Variants in TBC1D19 observed in about 807,000 individuals in gnomAD.
TBC1D19 encodes the protein TBC1 domain family member 19.
In TBC1D19, 60 loss-of-function variants were observed where a neutral mutation model predicts 89.0. The ratio of observed to expected loss-of-function variants is 0.67; its 90% CI spans 0.55 to 0.84. TBC1D19 has a LOEUF of 0.84. TBC1D19 is among the 40% of genes least tolerant of loss of function. The pLI, the probability that TBC1D19 is intolerant of heterozygous loss-of-function variation, is 0.00. For synonymous variants in TBC1D19, 189 were observed against 199.7 expected (o/e 0.95, Z 0.45); for missense variants, 500 against 610.8 (o/e 0.82, Z 1.91).
chr4:26,721,067 C>A (rs183457714), intron 15 of TBC1D19, among the ~76,000 whole-genome samples: 31 of 152,018 alleles, frequency 2.0e-4, no homozygotes, highest in Non-Finnish European at 3.4e-4. Flanking sequence ...TACCTCTGTC[C>A]CTCTTTTAAT....
At chr4:26,629,166 C>T (rs1560429011) in intron 4 of TBC1D19, among the ~76,000 whole-genome samples, 1 of 152,004 alleles carries the variant, frequency 6.6e-6, no homozygotes, top group South Asian at 2.1e-4. Context: ...GAAACTGCCT[C>T]CTCTCATCCC....
chr4:26,674,977 C>T (rs1712661808), intron 11 of TBC1D19, among the ~76,000 whole-genome samples: 1 of 152,014 alleles, frequency 6.6e-6, no homozygotes. Context: ...ACAGTTCTGT[C>T]AAAAATCACT....
At chr4:26,810,847 A>G in the TBC1D19 span, among the ~76,000 whole-genome samples, 1 of 152,244 alleles carries the variant, frequency 6.6e-6, no homozygotes, top group South Asian at 2.1e-4. Flanking sequence ...CTAGCACCAT[A>G]CTACATGGGG....
the TBC1D19 span, among the ~76,000 whole-genome samples, chr4:26,797,933 A>C: frequency 6.6e-6 from 1 of 152,228 alleles, no homozygotes; most frequent in East Asian, 1.9e-4. Flanking sequence ...ACCTGAAACT[A>C]TAAAAATCCT....
intron 7 of TBC1D19, among the ~76,000 whole-genome samples, chr4:26,644,596 T>C (rs1238386240): frequency 1.3e-5 from 2 of 152,058 alleles, no homozygotes; most frequent in East Asian, 3.9e-4. Context: ...GAGAAAGAAA[T>C]AAAGGTTTTC....
chr4:26,685,146 A>G (rs991870061), intron 12 of TBC1D19, among the ~76,000 whole-genome samples: 2 of 152,202 alleles, frequency 1.3e-5, no homozygotes, highest in Admixed American at 1.3e-4. Context: ...TATAAAAATA[A>G]TAAAACAGAA....
intron 18 of TBC1D19, among the ~76,000 whole-genome samples, chr4:26,745,985 T>C (rs1238577788): frequency 1.3e-5 from 2 of 152,206 alleles, no homozygotes; most frequent in Non-Finnish European, 2.9e-5. Flanking sequence ...ATGATATATC[T>C]AGGCATAGAT....
At chr4:26,782,519 T>G in the TBC1D19 span, among the ~76,000 whole-genome samples, 1 of 152,178 alleles carries the variant, frequency 6.6e-6, no homozygotes, top group South Asian at 2.1e-4. Context: ...ACGTCAAAAC[T>G]GGAATTAGAC....
intron 13 of TBC1D19, among the ~76,000 whole-genome samples, chr4:26,717,109 T>C (rs529487391): frequency 1.3e-5 from 2 of 152,250 alleles, no homozygotes; most frequent in African/African-American, 4.8e-5. Flanking sequence ...CTGTATCCCC[T>C]TTCTTGTGTC....
chr4:26,831,087 T>G, the TBC1D19 span, among the ~76,000 whole-genome samples: 1 of 151,880 alleles, frequency 6.6e-6, no homozygotes, highest in Non-Finnish European at 1.5e-5. Flanking sequence ...ATTTCATATA[T>G]CACAAAGAGG....
chr4:26,842,340 C>CTTTTTTTTTTTTTTTTTT, the TBC1D19 span, among the ~76,000 whole-genome samples: 2 of 81,574 alleles, frequency 2.5e-5, no homozygotes, highest in Non-Finnish European at 2.3e-5. Context: ...CTTTTCTTTT[C>CTTTTTTTTTTTTTTTTTT]TTTTTTTTTT....
In TBC1D19 at chr4:26,755,334, A is replaced by G. The variant is rs373819897; in HGVS notation, c.*387A>G. ...ATAATTCTTTTATGTCAGTTTATAA[A>G]TTTATCTCTAGATAATGTATTGTTT... On this transcript the variant is annotated 3_prime_UTR_variant, in exon 21 of 21. Transcript: ENST00000264866. 1.3e-5 allele frequency: 2 copies of G among 152,600 alleles called. No homozygotes were observed. Among genetic ancestry groups the G allele is most frequent in the East Asian group, 1.9e-4 (1 of 5,198 alleles). The allele number at this position is 152,600 out of a possible 1,614,324, so 9.5% of individuals were successfully genotyped here.
chr4:26,816,373 C>T, the TBC1D19 span, among the ~76,000 whole-genome samples: 3 of 152,134 alleles, frequency 2.0e-5, no homozygotes, highest in Admixed American at 6.5e-5. Flanking sequence ...CATTGGGTAA[C>T]CCATTGTAAA....
chr4:26,634,034 A>C (rs1742963039), intron 4 of TBC1D19, among the ~76,000 whole-genome samples: 1 of 152,014 alleles, frequency 6.6e-6, no homozygotes, highest in African/African-American at 2.4e-5. Context: ...ACCCACATAA[A>C]AGCTGTATTT....
At position 26,753,811 on chromosome 4, in the gene TBC1D19, C is replaced by T. The variant is rs1036876234; in HGVS notation, c.1436-9C>T. 6.2e-7 allele frequency: 1 copy of T among 1,613,638 alleles called. No individual in the cohort carries two copies. On this transcript the variant is annotated splice_polypyrimidine_tract_variant and intron_variant, in intron 19 of 20. Coordinates refer to ENST00000264866, the MANE Select transcript of TBC1D19 (RefSeq NM_018317.4). ...GCCAGCAGTTGAAGTAGTGTGCATT[C>T]TTTTCCAGTGCTGGCAGCTGCCGTG...
intron 15 of TBC1D19, among the ~76,000 whole-genome samples, chr4:26,734,956 G>GTATATGTATATATGTATACACATATA (rs1717894395): frequency 3.5e-5 from 2 of 57,694 alleles, no homozygotes; most frequent in Admixed American, 1.5e-4. Flanking sequence ...ATACACATAT[G>GTATATGTATATATGTATACACATATA]TATATGTATA....
chr4:26,759,840 A>G (rs1408563579), downstream of TBC1D19, among the ~76,000 whole-genome samples: 2 of 152,078 alleles, frequency 1.3e-5, no homozygotes, highest in East Asian at 1.9e-4. Context: ...GTATTTCACA[A>G]TTTTTTTATT....
At chr4:26,724,421 C>A (rs563787950) in intron 15 of TBC1D19, among the ~76,000 whole-genome samples, 1 of 151,940 alleles carries the variant, frequency 6.6e-6, no homozygotes, top group African/African-American at 2.4e-5. Context: ...CTTTCTGTCC[C>A]CCTCCCCAAG....
intron 13 of TBC1D19, among the ~76,000 whole-genome samples, chr4:26,714,702 G>C (rs1716469295): frequency 6.6e-6 from 1 of 152,000 alleles, no homozygotes; most frequent in Non-Finnish European, 1.5e-5. Flanking sequence ...ATTTGTAACA[G>C]ATTATTAGAA....
Sources: gnomAD v4.1 joint callset for allele counts (sites outside exome capture counted in the v4.1 genomes callset) on GRCh38, gnomAD v4.1.1 for gene constraint, MANE v1.5 for transcripts, NCBI Gene and HGNC (gene_info 2026-07-23, HGNC 2026-07-21) for gene names.